Variants in LRRC4C observed in about 807,000 individuals in gnomAD.
The protein encoded by LRRC4C is leucine-rich repeat-containing protein 4C.
A neutral mutation model predicts 33.6 loss-of-function variants in LRRC4C; 5 were observed. The ratio of observed to expected loss-of-function variants is 0.15; its 90% CI spans 0.08 to 0.31. The LOEUF (loss-of-function observed/expected upper bound fraction) is 0.31, where lower values mean the gene tolerates loss of function less well. LRRC4C is among the 10% of genes least tolerant of loss of function. The pLI is 1.00. For synonymous variants in LRRC4C, 329 were observed against 302.0 expected (o/e 1.09, Z -0.93); for missense variants, 560 against 796.7 (o/e 0.70, Z 3.58).
chr11:41,071,452 A>T (rs1175900001), intron 1 of LRRC4C, among the ~76,000 whole-genome samples: 1 of 152,080 alleles, frequency 6.6e-6, no homozygotes, highest in African/African-American at 2.4e-5. Flanking sequence ...ATGCCTAAAA[A>T]AGTTTAGAGC....
At chr11:41,193,390 G>C (rs1444975497) in intron 1 of LRRC4C, among the ~76,000 whole-genome samples, 1 of 151,946 alleles carries the variant, frequency 6.6e-6, no homozygotes, top group Non-Finnish European at 1.5e-5. Context: ...TCTATGGGAC[G>C]AATTGTCAAC....
At chr11:40,171,887 T>C (rs1860075748) in intron 5 of LRRC4C, among the ~76,000 whole-genome samples, 1 of 152,036 alleles carries the variant, frequency 6.6e-6, no homozygotes, top group Non-Finnish European at 1.5e-5. Context: ...CTCTTATGAA[T>C]ATATTAGTGC....
At chr11:40,803,555 A>C (rs1951123921) in intron 2 of LRRC4C, among the ~76,000 whole-genome samples, 1 of 152,182 alleles carries the variant, frequency 6.6e-6, no homozygotes, top group Non-Finnish European at 1.5e-5. Context: ...AACTTTTAAA[A>C]TAATTAAAAA....
chr11:40,811,912 T>C (rs1951506936), intron 2 of LRRC4C, among the ~76,000 whole-genome samples: 1 of 152,164 alleles, frequency 6.6e-6, no homozygotes, highest in South Asian at 2.1e-4. Flanking sequence ...TAATAGCAAC[T>C]CTGCCAGGAT....
rs910597085 is a variant in LRRC4C at position 40,239,473 on chromosome 11, T to A, written c.-96+2046A>T. ...CCTGTTCATACTTGTATTAGGAAAC[T>A]GAAGGGTCCAAGCTAATGTAAATGT... On this transcript the variant is annotated intron_variant, in intron 5 of 6. Transcript: ENST00000528697. Among the ~76,000 whole-genome samples, 3 of 152,190 alleles carry A rather than the reference T, an allele frequency of 2.0e-5. No individual in the cohort carries two copies. In the East Asian group the frequency reaches 5.8e-4, roughly 29 times the overall value.
At chr11:40,837,069 A>T (rs968572757) in intron 2 of LRRC4C, among the ~76,000 whole-genome samples, 1 of 152,130 alleles carries the variant, frequency 6.6e-6, no homozygotes, top group Admixed American at 6.5e-5. Flanking sequence ...TGGACATTTT[A>T]CTATAAAAAT....
intron 1 of LRRC4C, among the ~76,000 whole-genome samples, chr11:41,254,136 T>G (rs1393429953): frequency 6.6e-6 from 1 of 152,050 alleles, no homozygotes; most frequent in Non-Finnish European, 1.5e-5. Flanking sequence ...ATTCATCCTT[T>G]TTATTAATAT....
At chr11:40,259,832 T>C (rs1405134880) in intron 4 of LRRC4C, among the ~76,000 whole-genome samples, 1 of 152,142 alleles carries the variant, frequency 6.6e-6, no homozygotes, top group East Asian at 1.9e-4. Context: ...ATCAGAGAAA[T>C]GCAAATCAAA....
intron 1 of LRRC4C, among the ~76,000 whole-genome samples, chr11:41,387,169 T>C (rs898334270): frequency 2.0e-5 from 3 of 151,290 alleles, no homozygotes; most frequent in African/African-American, 7.3e-5. Flanking sequence ...TGTAGATAAC[T>C]AGACATTACT....
intron 3 of LRRC4C, among the ~76,000 whole-genome samples, chr11:40,368,096 C>A (rs1250722029): frequency 3.3e-5 from 5 of 151,968 alleles, no homozygotes; most frequent in East Asian, 1.9e-4. Context: ...GTAAAGGTGA[C>A]TCAAACATTT....
intron 1 of LRRC4C, among the ~76,000 whole-genome samples, chr11:40,962,945 A>G (rs1384159848): frequency 6.6e-6 from 1 of 151,752 alleles, no homozygotes; most frequent in African/African-American, 2.4e-5. Context: ...ATAGCAAATT[A>G]AACATATTAA....
intron 1 of LRRC4C, among the ~76,000 whole-genome samples, chr11:41,020,836 G>T (rs570635493): frequency 6.6e-6 from 1 of 152,156 alleles, no homozygotes; most frequent in South Asian, 2.1e-4. Flanking sequence ...CTAATCCATG[G>T]TATCTGTCTC....
At chr11:40,594,291 T>A (rs1045128830) in intron 3 of LRRC4C, among the ~76,000 whole-genome samples, 6 of 152,236 alleles carry the variant, frequency 3.9e-5, no homozygotes, top group Non-Finnish European at 8.8e-5. Context: ...GTACATCATC[T>A]TATATAATCC....
intron 1 of LRRC4C, among the ~76,000 whole-genome samples, chr11:41,279,277 T>A (rs1949578400): frequency 6.6e-6 from 1 of 151,986 alleles, no homozygotes; most frequent in Non-Finnish European, 1.5e-5. Flanking sequence ...CATATGAGTG[T>A]TTTGTGTTTT....
At chr11:40,690,476 G>A (rs749801243) in intron 2 of LRRC4C, among the ~76,000 whole-genome samples, 16 of 152,050 alleles carry the variant, frequency 1.1e-4, no homozygotes, top group South Asian at 2.1e-4. Context: ...GCAAAGACAG[G>A]CAAGGGAGTT....
chr11:41,441,614 TAAAA>T (rs5791441), intron 1 of LRRC4C, among the ~76,000 whole-genome samples: 1 of 139,950 alleles, frequency 7.1e-6, no homozygotes, highest in Non-Finnish European at 1.5e-5. Flanking sequence ...TTTTTCCAGT[TAAAA>T]AAAAAAAAAA....
At chr11:41,311,290 T>A (rs1465314599) in intron 1 of LRRC4C, among the ~76,000 whole-genome samples, 1 of 152,186 alleles carries the variant, frequency 6.6e-6, no homozygotes, top group Admixed American at 6.5e-5. Context: ...TGATGAGTCT[T>A]GCTCATTTTG....
chr11:40,491,794 G>A (rs1187721615), intron 3 of LRRC4C, among the ~76,000 whole-genome samples: 1 of 152,010 alleles, frequency 6.6e-6, no homozygotes, highest in Non-Finnish European at 1.5e-5. Context: ...TTGTTATATA[G>A]TATATCCTCT....
chr11:40,841,349 C>T (rs548149170), intron 2 of LRRC4C, among the ~76,000 whole-genome samples: 28 of 152,192 alleles, frequency 1.8e-4, no homozygotes, highest in South Asian at 1.7e-3. Context: ...GGACTGAATA[C>T]GCATACCCCT....
Sources: gnomAD v4.1 joint callset for allele counts (sites outside exome capture counted in the v4.1 genomes callset) on GRCh38, gnomAD v4.1.1 for gene constraint, MANE v1.5 for transcripts, NCBI Gene and HGNC (gene_info 2026-07-23, HGNC 2026-07-21) for gene names.